The following CEP63 variants were observed in gnomAD, a reference collection of about 807,000 sequenced individuals.
CEP63 encodes the protein centrosomal protein of 63 kDa.
Under a neutral mutation model 89.1 loss-of-function variants are expected in CEP63, and 84 were observed. The observed-to-expected ratio is 0.94, with a 90% CI of 0.79 to 1.13. CEP63 has a LOEUF of 1.13. CEP63 is among the 50% of genes most tolerant of loss of function. The probability of loss-of-function intolerance (pLI) is 0.00; values close to 1 mark genes in which losing one functional copy is unlikely to be tolerated. For synonymous variants in CEP63, 267 were observed against 272.5 expected (o/e 0.98, Z 0.20); for missense variants, 838 against 813.3 (o/e 1.03, Z -0.37).
the CEP63 span, among the ~76,000 whole-genome samples, chr3:134,680,186 C>T: frequency 1.3e-5 from 2 of 152,158 alleles, no homozygotes; most frequent in African/African-American, 4.8e-5. Flanking sequence ...GACTTTTAGC[C>T]TCCAGAGCTA....
At chr3:134,534,524 C>T (rs547479357) in intron 5 of CEP63, among the ~76,000 whole-genome samples, 23 of 152,252 alleles carry the variant, frequency 1.5e-4, no homozygotes, top group African/African-American at 4.8e-4. Context: ...TTGGTGTTCT[C>T]ACTTATCGGT....
At chr3:134,536,898 T>G (rs1950867969) in intron 5 of CEP63, 3 of 445,962 alleles carry the variant, frequency 6.7e-6, no homozygotes, top group South Asian at 2.1e-5. Context: ...CTGAATCCAG[T>G]GCTTAACATC....
At chr3:134,640,134 G>A in the CEP63 span, among the ~76,000 whole-genome samples, 4 of 151,132 alleles carry the variant, frequency 2.6e-5, no homozygotes, top group South Asian at 4.2e-4. Context: ...ACCATTGAAA[G>A]AGAGGCTGAG....
At chr3:134,770,766 T>C in the CEP63 span, among the ~76,000 whole-genome samples, 2 of 152,192 alleles carry the variant, frequency 1.3e-5, no homozygotes, top group Non-Finnish European at 2.9e-5. Flanking sequence ...CACCTTCTTC[T>C]TGTCAAGTGG....
chr3:134,700,915 C>T, the CEP63 span, among the ~76,000 whole-genome samples: 1 of 152,084 alleles, frequency 6.6e-6, no homozygotes, highest in African/African-American at 2.4e-5. Flanking sequence ...GGCTGGTCTG[C>T]CAGTTTGCTT....
intron 1 of CEP63, among the ~76,000 whole-genome samples, chr3:134,494,551 C>T (rs1458668964): frequency 6.6e-6 from 1 of 152,054 alleles, no homozygotes; most frequent in Non-Finnish European, 1.5e-5. Flanking sequence ...TTAAGTTCAG[C>T]CAAAATAATC....
the CEP63 span, among the ~76,000 whole-genome samples, chr3:134,636,868 A>G: frequency 6.6e-6 from 1 of 152,186 alleles, no homozygotes; most frequent in Non-Finnish European, 1.5e-5. Flanking sequence ...CTTTGCCTAT[A>G]CTTAGTTACC....
intron 2 of CEP63, among the ~76,000 whole-genome samples, chr3:134,502,441 C>T (rs1401613048): frequency 6.6e-6 from 1 of 152,112 alleles, no homozygotes; most frequent in African/African-American, 2.4e-5. Flanking sequence ...GCTGTGAATC[C>T]ATCTGGTCTG....
At chr3:134,690,496 A>T in the CEP63 span, among the ~76,000 whole-genome samples, 3 of 152,264 alleles carry the variant, frequency 2.0e-5, no homozygotes, top group Middle Eastern at 3.4e-3. Flanking sequence ...GGCTCATAGG[A>T]TGCTGCCTCT....
the CEP63 span, among the ~76,000 whole-genome samples, chr3:134,709,693 G>T: frequency 6.6e-6 from 1 of 152,198 alleles, no homozygotes; most frequent in Non-Finnish European, 1.5e-5. Flanking sequence ...GTGCAACTTT[G>T]CATCCCTTCT....
chr3:134,619,141 C>G, the CEP63 span: 1 of 1,611,496 alleles, frequency 6.2e-7, no homozygotes, highest in Non-Finnish European at 8.5e-7. Context: ...ACTCCTGTCT[C>G]TCGTACCTGC....
At chr3:134,606,095 G>A in the CEP63 span, among the ~76,000 whole-genome samples, 1 of 152,080 alleles carries the variant, frequency 6.6e-6, no homozygotes, top group Non-Finnish European at 1.5e-5. Flanking sequence ...CCTCACTTCT[G>A]AACCAGCTCA....
chr3:134,525,172 G>T (rs1420520141), intron 3 of CEP63, among the ~76,000 whole-genome samples: 3 of 152,138 alleles, frequency 2.0e-5, no homozygotes, highest in Non-Finnish European at 4.4e-5. Context: ...TGTACATAGA[G>T]GTGTTTATAG....
chr3:134,528,653 A>G (rs1949237133), intron 3 of CEP63, among the ~76,000 whole-genome samples: 1 of 151,904 alleles, frequency 6.6e-6, no homozygotes, highest in African/African-American at 2.4e-5. Flanking sequence ...TGGCTGTTAC[A>G]TACTGATGTG....
At chr3:134,569,680 T>A (rs1957937582), downstream of CEP63, among the ~76,000 whole-genome samples, 1 of 152,148 alleles carries the variant, frequency 6.6e-6, no homozygotes, top group South Asian at 2.1e-4. Flanking sequence ...AAGCTGTCGG[T>A]GGATCTACCG....
At chr3:134,489,967 A>C (rs1290360901) in intron 1 of CEP63, among the ~76,000 whole-genome samples, 1 of 152,124 alleles carries the variant, frequency 6.6e-6, no homozygotes, top group African/African-American at 2.4e-5. Context: ...ATTCCATTTG[A>C]TATGACCAAT....
At chr3:134,671,401 G>A in the CEP63 span, among the ~76,000 whole-genome samples, 1 of 152,266 alleles carries the variant, frequency 6.6e-6, no homozygotes. Flanking sequence ...CATTATTTGG[G>A]TAATGGGTGC....
the CEP63 span, among the ~76,000 whole-genome samples, chr3:134,617,742 G>A: frequency 1.3e-5 from 2 of 152,198 alleles, no homozygotes; most frequent in Non-Finnish European, 2.9e-5. Flanking sequence ...GAAGGGGAAG[G>A]TTGTGGGCTG....
At chr3:134,508,358 A>G (rs914238243) in intron 3 of CEP63, among the ~76,000 whole-genome samples, 2 of 152,218 alleles carry the variant, frequency 1.3e-5, no homozygotes, top group Non-Finnish European at 1.5e-5. Flanking sequence ...TTTTAAAATT[A>G]CACACCATGC....
Sources: allele counts gnomAD v4.1 joint callset (sites outside exome capture counted in the v4.1 genomes callset), GRCh38; gene constraint gnomAD v4.1.1; transcripts MANE v1.5; gene names NCBI Gene and HGNC (gene_info 2026-07-23, HGNC 2026-07-21).